EPHB1: variants seen among roughly 807,000 people sequenced by gnomAD.
The protein encoded by EPHB1 is ephrin type-B receptor 1.
A neutral mutation model predicts 94.4 loss-of-function variants in EPHB1; 30 were observed. The observed-to-expected ratio is 0.32, with a 90% CI of 0.24 to 0.43. The LOEUF (loss-of-function observed/expected upper bound fraction) is 0.43. Among genes scored for constraint, EPHB1 ranks in the 20% least tolerant of loss-of-function variants. The pLI, the probability that EPHB1 is intolerant of heterozygous loss-of-function variation, is 1.00. For missense variants in EPHB1, 1,055 were observed against 1,308.3 expected, an observed-to-expected ratio of 0.81 and a Z score of 2.99; for synonymous variants, 522 against 489.1, an observed-to-expected ratio of 1.07 and a Z score of -0.89.
intron 3 of EPHB1, among the ~76,000 whole-genome samples, chr3:135,065,998 T>C (rs1937575808): frequency 6.6e-6 from 1 of 152,182 alleles, no homozygotes; most frequent in African/African-American, 2.4e-5. Context: ...GTGATAATTG[T>C]TTTGCTTGAG....
intron 13 of EPHB1, among the ~76,000 whole-genome samples, chr3:135,242,062 A>C (rs1056426603): frequency 1.3e-5 from 2 of 152,176 alleles, no homozygotes; most frequent in African/African-American, 4.8e-5. Context: ...TACTTACTAA[A>C]AGGTGAGGAA....
intron 3 of EPHB1, among the ~76,000 whole-genome samples, chr3:135,006,242 C>A (rs1274017404): frequency 6.6e-6 from 1 of 152,152 alleles, no homozygotes. Context: ...CACAGAAGGA[C>A]AAATATTGTA....
intron 1 of EPHB1, among the ~76,000 whole-genome samples, chr3:134,840,197 GT>G (rs1445947315): frequency 1.3e-5 from 2 of 152,172 alleles, no homozygotes; most frequent in Non-Finnish European, 2.9e-5. Flanking sequence ...TTTCCCCATA[GT>G]GCCTGGCCCA....
chr3:135,170,381 T>C (rs375459925), intron 9 of EPHB1, among the ~76,000 whole-genome samples: 1 of 152,110 alleles, frequency 6.6e-6, no homozygotes, highest in African/African-American at 2.4e-5. Flanking sequence ...GCACAGTGAA[T>C]AGGAATATAG....
intron 15 of EPHB1, among the ~76,000 whole-genome samples, chr3:135,256,009 A>G (rs1358928831): frequency 6.6e-6 from 1 of 150,436 alleles, no homozygotes; most frequent in African/African-American, 2.5e-5. Flanking sequence ...TGTTGGTTTA[A>G]AGTCTGTTTT....
At chr3:135,110,857 CA>C (rs1316525500) in intron 4 of EPHB1, among the ~76,000 whole-genome samples, 1 of 152,106 alleles carries the variant, frequency 6.6e-6, no homozygotes, top group Non-Finnish European at 1.5e-5. Context: ...CCAGGCACGA[CA>C]GGGCAGTGGT....
intron 10 of EPHB1, among the ~76,000 whole-genome samples, chr3:135,186,052 AT>A (rs1942320944): frequency 6.6e-6 from 1 of 152,256 alleles, no homozygotes; most frequent in Non-Finnish European, 1.5e-5. Context: ...AGCATCTTTA[AT>A]TATAAGTGCT....
intron 11 of EPHB1, among the ~76,000 whole-genome samples, chr3:135,199,330 G>C (rs891477081): frequency 3.3e-5 from 5 of 152,208 alleles, no homozygotes; most frequent in Non-Finnish European, 5.9e-5. Context: ...CCTACTTGGA[G>C]AAAATGCTTC....
intron 15 of EPHB1, 71 bp from the exon 16 acceptor site, chr3:135,258,941 G>A (rs1047071046): frequency 2.4e-6 from 3 of 1,247,124 alleles, no homozygotes; most frequent in Admixed American, 2.0e-5. Context: ...CATGGCTTTA[G>A]TGATGAGTTT....
At chr3:134,870,966 A>G (rs1352399599) in intron 1 of EPHB1, among the ~76,000 whole-genome samples, 1 of 152,170 alleles carries the variant, frequency 6.6e-6, no homozygotes, top group African/African-American at 2.4e-5. Flanking sequence ...GGTCCCTTAT[A>G]CCAGGCTGGC....
chr3:134,978,183 C>G (rs763463471), intron 3 of EPHB1: 76 of 332,784 alleles, frequency 2.3e-4, no homozygotes, highest in Non-Finnish European at 3.5e-4. Flanking sequence ...CCTATCCATT[C>G]CACTGTGGAA....
rs2039084422 is a variant in EPHB1 at position 134,940,144 on chromosome 3, A to G, written c.124-11227A>G. Among the ~76,000 whole-genome samples the G allele has an allele frequency of 2.0e-5, 3 of 152,208 alleles. No individual in the cohort carries two copies. In the South Asian group the frequency reaches 6.2e-4, roughly 32 times the overall value. On this transcript the variant is annotated intron_variant, in intron 2 of 15. Transcript: ENST00000398015. ...GGGAGTTTAGCCTTTTAGTTCCTGC[A>G]TTCTGCTGACCAAAGGGTAGGATTA... is the stretch of plus-strand genomic sequence containing the variant.
intron 2 of EPHB1, among the ~76,000 whole-genome samples, chr3:134,930,345 A>G (rs908021569): frequency 2.0e-5 from 3 of 152,276 alleles, no homozygotes; most frequent in Non-Finnish European, 4.4e-5. Context: ...AATCTATTGC[A>G]GCACCCTGCC....
At chr3:135,000,655 A>T (rs1935143694) in intron 3 of EPHB1, among the ~76,000 whole-genome samples, 2 of 151,722 alleles carry the variant, frequency 1.3e-5, no homozygotes, top group South Asian at 4.2e-4. Flanking sequence ...TGTTACAAAA[A>T]CTCTTGATGA....
At chr3:134,935,152 A>G (rs971386865) in intron 2 of EPHB1, among the ~76,000 whole-genome samples, 6 of 152,184 alleles carry the variant, frequency 3.9e-5, no homozygotes, top group Admixed American at 2.0e-4. Flanking sequence ...TGACAAAGGC[A>G]CTGGGATGGA....
intron 2 of EPHB1, among the ~76,000 whole-genome samples, chr3:134,938,477 G>A (rs897128412): frequency 6.6e-6 from 1 of 152,198 alleles, no homozygotes; most frequent in African/African-American, 2.4e-5. Flanking sequence ...AGGGCCTTCC[G>A]ATGGTAGGCA....
intron 13 of EPHB1, among the ~76,000 whole-genome samples, chr3:135,243,493 C>T (rs368480325): frequency 2.0e-5 from 3 of 152,124 alleles, no homozygotes; most frequent in South Asian, 2.1e-4. Context: ...TCTAATTTTG[C>T]GTGCTCCTTC....
chr3:134,880,113 A>C (rs1483675668), intron 1 of EPHB1, among the ~76,000 whole-genome samples: 1 of 152,234 alleles, frequency 6.6e-6, no homozygotes, highest in Non-Finnish European at 1.5e-5. Context: ...ACCCTCTGGG[A>C]AGAAGCACTC....
chr3:135,256,586 C>G (rs2107735184), intron 15 of EPHB1, among the ~76,000 whole-genome samples: 1 of 152,328 alleles, frequency 6.6e-6, no homozygotes. Flanking sequence ...GCCGAGAGAT[C>G]TGCTGTTAGT....
Sources: gnomAD v4.1 joint callset for allele counts (sites outside exome capture counted in the v4.1 genomes callset) on GRCh38, gnomAD v4.1.1 for gene constraint, MANE v1.5 for transcripts, NCBI Gene and HGNC (gene_info 2026-07-23, HGNC 2026-07-21) for gene names.